The following ABLIM1 variants were observed in gnomAD, a reference collection of about 807,000 sequenced individuals.
ABLIM1 encodes the protein actin binding LIM protein 1, also known as actin-binding LIM protein 1.
ABLIM1 carries 40 observed loss-of-function variants against 107.0 expected under a neutral mutation model. That is an observed-to-expected ratio of 0.37 (90% CI 0.29 to 0.49). The LOEUF is 0.49. Ranked by LOEUF, ABLIM1 falls within the 20% of genes least tolerant of loss-of-function variation. The pLI is 0.97. For synonymous variants in ABLIM1, 357 were observed against 357.3 expected (o/e 1.00, Z 0.01); for missense variants, 857 against 1,008.5 (o/e 0.85, Z 2.04).
rs139976366 is a variant in ABLIM1 at position 114,622,424 on chromosome 10, C to T, written c.245-20463G>A. Among the ~76,000 whole-genome samples the T allele has an allele frequency of 4.6e-3, 701 of 151,426 alleles. 7 individuals carry two copies. Among genetic ancestry groups the T allele is most frequent in the African/African-American group, 0.015 (623 of 41,304 alleles). ...CCACCATGCATGGCTAAATTTTTGT[C>T]GGGGGATGGGGGGAATTTTGTTTTT... On this transcript the variant is annotated intron_variant, in intron 1 of 22. Transcript: ENST00000533213.
chr10:114,769,196 A>AT (rs1371736506), upstream of ABLIM1, among the ~76,000 whole-genome samples: 1 of 117,914 alleles, frequency 8.5e-6, no homozygotes, highest in East Asian at 2.0e-4. Flanking sequence ...AAAAAAAAAA[A>AT]GCAAATTAGC....
intron 6 of ABLIM1, among the ~76,000 whole-genome samples, chr10:114,538,797 C>G (rs531229156): frequency 3.3e-5 from 5 of 152,166 alleles, no homozygotes; most frequent in African/African-American, 1.2e-4. Context: ...GGACGAGGGC[C>G]GAGCGCCTTT....
At position 114,453,443 on chromosome 10, in the gene ABLIM1, G is replaced by A. The variant is rs1339088136; in HGVS notation, c.1482C>T (p.Tyr494=). Reference sequence around the variant, plus strand: ...GAGTTAGAGGGCGGCTGTCTGGCCGGTAAGGGAGAGGGGAGTTCCGGCCGC... The same window carrying A: ...GAGTTAGAGGGCGGCTGTCTGGCCGATAAGGGAGAGGGGAGTTCCGGCCGC... ...PSSGRNSPLP[Y]RPDSRPLTPT... The change falls in exon 13 of 23, where the codon TAC becomes TAT. Residue 494 remains tyrosine (Y), a synonymous_variant. Coordinates refer to ENST00000533213, the MANE Select transcript of ABLIM1 (RefSeq NM_002313.7). The A allele has an allele frequency of 5.6e-6, 9 of 1,612,972 alleles. No homozygotes were observed. The highest frequency in any genetic ancestry group is 1.3e-5 in the African/African-American group (1 of 74,990).
chr10:114,513,721 G>C (rs1195102014), intron 6 of ABLIM1, among the ~76,000 whole-genome samples: 1 of 152,206 alleles, frequency 6.6e-6, no homozygotes, highest in African/African-American at 2.4e-5. Context: ...TGAATTCTTA[G>C]TGCTTCCTGT....
intron 12 of ABLIM1, among the ~76,000 whole-genome samples, chr10:114,462,520 A>G (rs2064157776): frequency 6.6e-6 from 1 of 152,186 alleles, no homozygotes; most frequent in South Asian, 2.1e-4. Flanking sequence ...AGGACAAATC[A>G]AAAGATGACT....
rs774775068 is a variant in ABLIM1 at position 114,547,733 on chromosome 10, C to T, written c.717G>A (p.Leu239=). ...AGTGCCACTGCTTATCCAGCGCCAG[C>T]AGCGCCTGCCCATTCTTGATATCTC... ...CGRDIKNGQA[L]LALDKQWHLG... is the part of the protein sequence containing the mutation. The change falls in exon 5 of 23, where the codon CTG becomes CTA. Residue 239 remains leucine, a synonymous_variant. Coordinates refer to ENST00000533213, the MANE Select transcript of ABLIM1 (RefSeq NM_002313.7). 1 of 1,613,046 alleles carries T rather than the reference C, an allele frequency of 6.2e-7. No homozygotes were observed. Among genetic ancestry groups the T allele is most frequent in the South Asian group, 1.1e-5 (1 of 91,082 alleles).
intron 1 of ABLIM1, among the ~76,000 whole-genome samples, chr10:114,607,838 GGGATCCTGGATGGGATCCC>G: frequency 6.6e-6 from 1 of 152,190 alleles, no homozygotes; most frequent in Non-Finnish European, 1.5e-5. Context: ...AACGTAATGT[GGGATCCTGGATGGGATCCC>G]AGAACAGAGA....
the ABLIM1 span, among the ~76,000 whole-genome samples, chr10:114,784,388 G>C: frequency 7.0e-6 from 1 of 142,020 alleles, no homozygotes; most frequent in Non-Finnish European, 1.5e-5. Flanking sequence ...AAATGGGCCG[G>C]GCATGGTAGC....
intron 4 of ABLIM1, among the ~76,000 whole-genome samples, chr10:114,550,669 G>T (rs1007351818): frequency 3.9e-5 from 6 of 152,154 alleles, no homozygotes; most frequent in Admixed American, 3.9e-4. Flanking sequence ...ATCATACAGA[G>T]TAGTGTCACT....
intron 1 of ABLIM1, among the ~76,000 whole-genome samples, chr10:114,679,635 C>CA (rs757677426): frequency 0.24 from 20,674 of 86,022 alleles, 2,626 homozygotes; most frequent in African/African-American, 0.43. Context: ...AACTCCGTCT[C>CA]AAAAAAAAAA....
intron 6 of ABLIM1, among the ~76,000 whole-genome samples, chr10:114,511,386 GAC>G (rs1186101591): frequency 2.0e-5 from 3 of 151,232 alleles, no homozygotes; most frequent in African/African-American, 7.3e-5. Context: ...TTTTTTTTGA[GAC>G]AGAGTCTTGC....
At chr10:114,661,900 T>C (rs1452135900), upstream of ABLIM1, among the ~76,000 whole-genome samples, 1 of 152,220 alleles carries the variant, frequency 6.6e-6, no homozygotes, top group Non-Finnish European at 1.5e-5. Flanking sequence ...CCTGATGTGA[T>C]GAGCCCCAGC....
At chr10:114,722,562 G>A (rs1013326399) in intron 1 of ABLIM1, among the ~76,000 whole-genome samples, 2 of 152,200 alleles carry the variant, frequency 1.3e-5, no homozygotes, top group Admixed American at 6.5e-5. Context: ...GTCTTCATTT[G>A]CCCTGTTTCC....
chr10:114,551,206 T>C (rs2068019515), intron 4 of ABLIM1, among the ~76,000 whole-genome samples: 1 of 152,258 alleles, frequency 6.6e-6, no homozygotes, highest in Admixed American at 6.5e-5. Flanking sequence ...CATAATACAA[T>C]GCTTGGTACA....
rs1484870529 is a variant in ABLIM1, at chr10:114,433,506, G to A, written c.*2754C>T. The A allele has an allele frequency of 6.6e-6, 1 of 152,222 alleles. No individual in the cohort carries two copies. The highest frequency in any genetic ancestry group is 1.5e-5 in the Non-Finnish European group (1 of 68,040). 9.4% of individuals were successfully genotyped at this position (152,222 alleles called of 1,614,324 possible). On this transcript the variant is annotated 3_prime_UTR_variant, in exon 23 of 23. Transcript: ENST00000533213. ...TCTGCTTGCAGATAGGAGGCTACTGGTGCTTTCTGGCAATGCATTTCTGCA... is the reference window on the plus strand; with the variant it reads ...TCTGCTTGCAGATAGGAGGCTACTGATGCTTTCTGGCAATGCATTTCTGCA...
chr10:114,573,735 A>C (rs1383687599), intron 3 of ABLIM1, among the ~76,000 whole-genome samples: 7 of 152,200 alleles, frequency 4.6e-5, no homozygotes, highest in African/African-American at 1.4e-4. Context: ...AGGCTTGAAA[A>C]ATGACTCGCA....
chr10:114,751,345 T>C (rs561486179), intron 1 of ABLIM1, among the ~76,000 whole-genome samples: 13 of 152,298 alleles, frequency 8.5e-5, no homozygotes, highest in African/African-American at 2.6e-4. Flanking sequence ...ACGATAGTCT[T>C]ATATTAAGTC....
chr10:114,718,489 A>G (rs1046446439), intron 1 of ABLIM1, among the ~76,000 whole-genome samples: 23 of 152,226 alleles, frequency 1.5e-4, no homozygotes, highest in African/African-American at 5.3e-4. Context: ...ATTGGTAATG[A>G]GGACAAAGAA....
At chr10:114,680,696 C>T (rs1346780775) in intron 1 of ABLIM1, among the ~76,000 whole-genome samples, 2 of 152,188 alleles carry the variant, frequency 1.3e-5, no homozygotes, top group Non-Finnish European at 1.5e-5. Context: ...AGCTTTCTAA[C>T]ATCTTTAGAT....
Sources: allele counts gnomAD v4.1 joint callset (sites outside exome capture counted in the v4.1 genomes callset), GRCh38; gene constraint gnomAD v4.1.1; transcripts MANE v1.5; gene names NCBI Gene and HGNC (gene_info 2026-07-23, HGNC 2026-07-21).